BRIP1: variants seen among roughly 807,000 people sequenced by gnomAD.
The protein encoded by BRIP1 is Fanconi anemia group J protein.
BRIP1 carries 88 observed loss-of-function variants against 119.7 expected under a neutral mutation model. The observed-to-expected ratio is 0.74, with a 90% CI of 0.62 to 0.88. The LOEUF is 0.88. Ranked by LOEUF, BRIP1 falls within the 40% of genes least tolerant of loss-of-function variation. BRIP1 has a pLI of 0.00. For synonymous variants in BRIP1, 443 were observed against 496.5 expected (o/e 0.89, Z 1.43); for missense variants, 1,259 against 1,455.4 (o/e 0.87, Z 2.20).
chr17:61,826,757 A>AAAAAAAG (rs2078415455), intron 6 of BRIP1, among the ~76,000 whole-genome samples: 2 of 128,452 alleles, frequency 1.6e-5, no homozygotes, highest in Admixed American at 7.5e-5. Context: ...AAAAAAAAAA[A>AAAAAAAG]CAGATGCCGG....
rs1471469122 is a variant in BRIP1 at position 61,795,304 on chromosome 17, C to T, written c.1341-1575G>A. ...GTTAAATCATTATTGACTATAGTCACACTGTTGTGCTATCAAATACTAGGC... is the reference window on the plus strand; with the variant it reads ...GTTAAATCATTATTGACTATAGTCATACTGTTGTGCTATCAAATACTAGGC... On this transcript the variant is annotated intron_variant, in intron 9 of 19. Coordinates refer to ENST00000259008, the MANE Select transcript of BRIP1 (RefSeq NM_032043.3). The surrounding 1 kb of genome is among the most constrained non-coding windows in gnomAD (Gnocchi z 5.6). 6.6e-6 allele frequency among the ~76,000 whole-genome samples: 1 copy of T among 152,094 alleles called. No homozygotes were observed. The highest frequency in any genetic ancestry group is 2.4e-5 in the African/African-American group (1 of 41,502).
At chr17:61,696,240 A>C (rs9972952) in intron 17 of BRIP1, among the ~76,000 whole-genome samples, 1 of 146,726 alleles carries the variant, frequency 6.8e-6, no homozygotes, top group African/African-American at 2.5e-5. Context: ...GTGTGGTTTT[A>C]GTCTTCTTTT....
rs1466678295 is a variant in BRIP1, at chr17:61,709,113, CT to C, written c.2492+6837del. Among the ~76,000 whole-genome samples, 4 of 152,168 alleles carry C rather than the reference CT, an allele frequency of 2.6e-5. No individual in the cohort carries two copies. The highest frequency in any genetic ancestry group is 7.2e-5 in the African/African-American group (3 of 41,442). Reference sequence around the variant, plus strand: ...CCAAGCCACCTGTTTTTAAACCTTACTTTCATTGACATTTTAGATTGCTCCA... The same window carrying C: ...CCAAGCCACCTGTTTTTAAACCTTACTTCATTGACATTTTAGATTGCTCCA... On this transcript the variant is annotated intron_variant, in intron 17 of 19. Transcript: ENST00000259008. The surrounding 1 kb of genome is among the most constrained non-coding windows in gnomAD (Gnocchi z 5.0).
rs192136357 is a variant in BRIP1, at chr17:61,846,356, G to T, written c.627+745C>A. Reference sequence around the variant, plus strand: ...TTGCTTTTGCGCCACCAGTACAAATGTCAAGACAATCCAAAAGGCAATAAT... The same window carrying T: ...TTGCTTTTGCGCCACCAGTACAAATTTCAAGACAATCCAAAAGGCAATAAT... On this transcript the variant is annotated intron_variant, in intron 6 of 19. Transcript: ENST00000259008. The surrounding 1 kb of genome is among the most constrained non-coding windows in gnomAD (Gnocchi z 4.3). Among the ~76,000 whole-genome samples the T allele has an allele frequency of 3.3e-5, 5 of 151,748 alleles. No homozygotes were observed. The highest frequency in any genetic ancestry group is 4.8e-5 in the African/African-American group (2 of 41,324).
intron 17 of BRIP1, among the ~76,000 whole-genome samples, chr17:61,711,055 C>A (rs1471632017): frequency 6.7e-6 from 1 of 149,726 alleles, no homozygotes; most frequent in African/African-American, 2.4e-5. Flanking sequence ...AAAAACAAAC[C>A]CAAAAAAACC....
rs555466878 is a variant in BRIP1 at position 61,774,399 on chromosome 17, C to A, written c.2097+2002G>T. ...GAATTGAACAATGAGAACATGTGGACGCAGGGTAGGGAACATCACACACTG... is the reference window on the plus strand; with the variant it reads ...GAATTGAACAATGAGAACATGTGGAAGCAGGGTAGGGAACATCACACACTG... On this transcript the variant is annotated intron_variant, in intron 14 of 19. Coordinates refer to ENST00000259008, the MANE Select transcript of BRIP1 (RefSeq NM_032043.3). The surrounding 1 kb of genome is among the most constrained non-coding windows in gnomAD (Gnocchi z 5.8). Among the ~76,000 whole-genome samples the A allele has an allele frequency of 1.3e-5, 2 of 152,166 alleles. No homozygotes were observed. The highest frequency in any genetic ancestry group is 4.8e-5 in the African/African-American group (2 of 41,504).
intron 10 of BRIP1, among the ~76,000 whole-genome samples, chr17:61,790,341 T>C (rs2077795901): frequency 6.6e-6 from 1 of 152,092 alleles, no homozygotes; most frequent in Admixed American, 6.5e-5. Context: ...GGTCAGGAGT[T>C]CGAGGCCAGC....
rs374342956 is a variant in BRIP1 at position 61,738,534 on chromosome 17, T to A, written c.2379+4479A>T. Among the ~76,000 whole-genome samples, 1 of 152,150 alleles carries A rather than the reference T, an allele frequency of 6.6e-6. No individual in the cohort carries two copies. Among genetic ancestry groups the A allele is most frequent in the East Asian group, 1.9e-4 (1 of 5,196 alleles). ...AGCAGAACTATGACAAATAGGATCA[T>A]GACTGAGGAATGTCAGAGTAGGCCA... On this transcript the variant is annotated intron_variant, in intron 16 of 19. Transcript: ENST00000259008. This position sits in a 1 kb window ranked among gnomAD's most constrained non-coding sequence, Gnocchi z 4.2.
In BRIP1 at chr17:61,814,151, G is replaced by A. The variant is rs1055469569; in HGVS notation, c.628-5394C>T. ...ACATTTCAAGCTTCAAAGGCTATATGGTCTCTTCTTCCATAGGAAGATATC... is the reference window on the plus strand; with the variant it reads ...ACATTTCAAGCTTCAAAGGCTATATAGTCTCTTCTTCCATAGGAAGATATC... On this transcript the variant is annotated intron_variant, in intron 6 of 19. Transcript: ENST00000259008. This position sits in a 1 kb window ranked among gnomAD's most constrained non-coding sequence, Gnocchi z 4.9. Among the ~76,000 whole-genome samples, 5 of 152,010 alleles carry A rather than the reference G, an allele frequency of 3.3e-5. No individual in the cohort carries two copies. Among genetic ancestry groups the A allele is most frequent in the Admixed American group, 3.3e-4 (5 of 15,260 alleles).
intron 4 of BRIP1, among the ~76,000 whole-genome samples, chr17:61,855,578 CA>C (rs200850712): frequency 0.31 from 30,752 of 99,376 alleles, 3,375 homozygotes; most frequent in African/African-American, 0.44. Flanking sequence ...GATTCTGTCT[CA>C]AAAAAAAAAA....
Position 61,841,889 on chromosome 17 carries a change from C to T in BRIP1, c.627+5212G>A, listed in dbSNP as rs1405366166. ...ACAGATGGGGTTCTCGCTATGTTGC[C>T]GGGGCTGGTCTCAAACTCCTGGCCT... On this transcript the variant is annotated intron_variant, in intron 6 of 19. Coordinates refer to ENST00000259008, the MANE Select transcript of BRIP1 (RefSeq NM_032043.3). This position sits in a 1 kb window ranked among gnomAD's most constrained non-coding sequence, Gnocchi z 4.1. Among the ~76,000 whole-genome samples the T allele has an allele frequency of 6.6e-6, 1 of 152,018 alleles. No homozygotes were observed. The highest frequency in any genetic ancestry group is 1.5e-5 in the Non-Finnish European group (1 of 68,014).
In BRIP1 at chr17:61,784,413, A is replaced by G. The variant is rs370658123; in HGVS notation, c.1485T>C (p.Ser495=). ...ATFPILQGHF[S]AVLQKEEKIS... Reference sequence around the variant, plus strand: ...TTTTTTCCTCTTTTTGAAGAACAGCAGAAAAATGTCCCTATAAGAAATTAC... The same window carrying G: ...TTTTTTCCTCTTTTTGAAGAACAGCGGAAAAATGTCCCTATAAGAAATTAC... Residue 495 remains serine (S), a synonymous_variant, in exon 11 of 20, where the codon TCT becomes TCC. Coordinates refer to ENST00000259008, the MANE Select transcript of BRIP1 (RefSeq NM_032043.3). The G allele has an allele frequency of 6.2e-7, 1 of 1,613,058 alleles. No homozygotes were observed. The highest frequency in any genetic ancestry group is 2.2e-5 in the East Asian group (1 of 44,800).
rs1227927320 is a variant in BRIP1, at chr17:61,705,569, T to TA, written c.2492+10381dup. On this transcript the variant is annotated intron_variant, in intron 17 of 19. Coordinates refer to ENST00000259008, the MANE Select transcript of BRIP1 (RefSeq NM_032043.3). This position sits in a 1 kb window ranked among gnomAD's most constrained non-coding sequence, Gnocchi z 5.0. ...CAATTCATCAATTTATACTTGTTTT[T>TA]ATTACTCCTTTTTTTCCTGTTTGCC... Among the ~76,000 whole-genome samples, 1 of 152,206 alleles carries TA rather than the reference T, an allele frequency of 6.6e-6. No homozygotes were observed. The highest frequency in any genetic ancestry group is 1.5e-5 in the Non-Finnish European group (1 of 68,022).
chr17:61,733,913 A>C (rs1328989189), intron 16 of BRIP1, among the ~76,000 whole-genome samples: 1 of 152,198 alleles, frequency 6.6e-6, no homozygotes, highest in Non-Finnish European at 1.5e-5. Flanking sequence ...TATTAAACCA[A>C]TTATAAAAAT....
Position 61,756,640 on chromosome 17 carries a change from G to A in BRIP1, c.2098-12049C>T, listed in dbSNP as rs931474927. ...CAAACTTCTTTAAAACTAGTATTTC[G>A]CTAGGGAGGGAATAAGTTAGAATGC... On this transcript the variant is annotated intron_variant, in intron 14 of 19. Coordinates refer to ENST00000259008, the MANE Select transcript of BRIP1 (RefSeq NM_032043.3). The surrounding 1 kb of genome is among the most constrained non-coding windows in gnomAD (Gnocchi z 4.3). Among the ~76,000 whole-genome samples the A allele has an allele frequency of 6.6e-5, 10 of 152,026 alleles. No homozygotes were observed. The highest frequency in any genetic ancestry group is 9.7e-5 in the African/African-American group (4 of 41,392).
Position 61,742,462 on chromosome 17 carries a change from G to C in BRIP1, c.2379+551C>G, listed in dbSNP as rs1209367832. Among the ~76,000 whole-genome samples, 1 of 152,122 alleles carries C rather than the reference G, an allele frequency of 6.6e-6. No individual in the cohort carries two copies. Among genetic ancestry groups the C allele is most frequent in the Middle Eastern group, 3.2e-3 (1 of 316 alleles). On this transcript the variant is annotated intron_variant, in intron 16 of 19. Coordinates refer to ENST00000259008, the MANE Select transcript of BRIP1 (RefSeq NM_032043.3). The surrounding 1 kb of genome is among the most constrained non-coding windows in gnomAD (Gnocchi z 4.7). ...CTTGTCTCAGCTTTCAATATGCCTT[G>C]CTCACTAAGCTTAATCATGTCTCGC...
At chr17:61,839,018 T>C (rs1256636047) in intron 6 of BRIP1, among the ~76,000 whole-genome samples, 1 of 152,106 alleles carries the variant, frequency 6.6e-6, no homozygotes, top group Non-Finnish European at 1.5e-5. Flanking sequence ...TAAGTCACTT[T>C]GCAAAGACTA....
At position 61,757,994 on chromosome 17, in the gene BRIP1, G is replaced by GA. The variant is rs1024407433; in HGVS notation, c.2098-13404dup. On this transcript the variant is annotated intron_variant, in intron 14 of 19. Transcript: ENST00000259008. This position sits in a 1 kb window ranked among gnomAD's most constrained non-coding sequence, Gnocchi z 4.3. ...GGGCAACAGAATGAGACACTGTCTT[G>GA]AAAAAAAAAAAGAGAAAAAAGAAAA... Among the ~76,000 whole-genome samples, 58 of 139,696 alleles carry GA rather than the reference G, an allele frequency of 4.2e-4. No homozygotes were observed. Among genetic ancestry groups the GA allele is most frequent in the South Asian group, 3.2e-3 (14 of 4,436 alleles). The allele number at this position is 139,696 out of a possible 152,430, so 91.6% of individuals were successfully genotyped here. A position where few individuals can be genotyped will look rare whatever the true frequency, so the allele number is the denominator to read the frequency against.
At chr17:61,779,445 C>T (rs2145063174) in intron 13 of BRIP1, among the ~76,000 whole-genome samples, 1 of 152,142 alleles carries the variant, frequency 6.6e-6, no homozygotes, top group South Asian at 2.1e-4. Flanking sequence ...AATGGCAAAA[C>T]CCCGTCTCTA....
Sources: gnomAD v4.1 joint callset for allele counts (sites outside exome capture counted in the v4.1 genomes callset) on GRCh38, gnomAD v4.1.1 for gene constraint, Gnocchi (gnomAD v3.1) non-coding constraint, MANE v1.5 for transcripts, NCBI Gene and HGNC (gene_info 2026-07-23, HGNC 2026-07-21) for gene names.